The following ST6GALNAC3 variants were observed in gnomAD, a reference collection of about 807,000 sequenced individuals.
ST6GALNAC3 encodes ST6 N-acetylgalactosaminide alpha-2,6-sialyltransferase 3.
ST6GALNAC3 carries 25 observed loss-of-function variants against 32.7 expected under a neutral mutation model. That is an observed-to-expected ratio of 0.76 (90% confidence interval 0.56 to 1.07). The LOEUF (loss-of-function observed/expected upper bound fraction) is 1.07, where lower values mean the gene tolerates loss of function less well. ST6GALNAC3 is among the 50% of genes least tolerant of loss of function. The pLI, the probability that ST6GALNAC3 is intolerant of heterozygous loss-of-function variation, is 0.00. For missense variants in ST6GALNAC3, 355 were observed against 382.4 expected, an observed-to-expected ratio of 0.93 and a Z score of 0.60; for synonymous variants, 129 against 133.1, an observed-to-expected ratio of 0.97 and a Z score of 0.21.
At chr1:76,309,861 C>G (rs961330448) in intron 1 of ST6GALNAC3, 3 of 436,728 alleles carry the variant, frequency 6.9e-6, no homozygotes, top group Admixed American at 2.4e-5. Flanking sequence ...ACTTGGTTCC[C>G]TTTGATAGAA....
intron 1 of ST6GALNAC3, among the ~76,000 whole-genome samples, chr1:76,200,700 A>G (rs1570410944): frequency 6.6e-6 from 1 of 152,124 alleles, no homozygotes; most frequent in South Asian, 2.1e-4. Context: ...AATATAGGAC[A>G]TGTATAATCT....
chr1:76,270,863 G>T (rs926128959), intron 1 of ST6GALNAC3, among the ~76,000 whole-genome samples: 1 of 152,192 alleles, frequency 6.6e-6, no homozygotes, highest in African/African-American at 2.4e-5. Flanking sequence ...AGGTTTTGGG[G>T]GCAGGGGCTG....
chr1:76,152,456 T>C (rs547064000), intron 1 of ST6GALNAC3, among the ~76,000 whole-genome samples: 4 of 152,326 alleles, frequency 2.6e-5, no homozygotes, highest in African/African-American at 9.6e-5. Context: ...TGGAGCCACT[T>C]TGATGAAAGG....
At chr1:76,199,028 C>G (rs1049128282) in intron 1 of ST6GALNAC3, among the ~76,000 whole-genome samples, 1 of 152,090 alleles carries the variant, frequency 6.6e-6, no homozygotes, top group African/African-American at 2.4e-5. Flanking sequence ...GTGGCAGTGT[C>G]AGACAAGTTC....
intron 1 of ST6GALNAC3, among the ~76,000 whole-genome samples, chr1:76,196,771 CT>C (rs1227179294): frequency 3.3e-5 from 5 of 152,040 alleles, no homozygotes; most frequent in Non-Finnish European, 7.4e-5. Flanking sequence ...CCTCTCAATA[CT>C]TTTTTTAAAG....
At chr1:76,327,276 G>A (rs5775341) in intron 2 of ST6GALNAC3, among the ~76,000 whole-genome samples, 5 of 16,594 alleles carry the variant, frequency 3.0e-4, no homozygotes, top group East Asian at 2.6e-3. Context: ...GTATATATGC[G>A]TGTGTGTGTG....
At chr1:76,481,642 T>G (rs1294123816) in intron 3 of ST6GALNAC3, among the ~76,000 whole-genome samples, 3 of 152,220 alleles carry the variant, frequency 2.0e-5, no homozygotes, top group Non-Finnish European at 4.4e-5. Flanking sequence ...CATTTAAGAC[T>G]TTAACAATCA....
intron 1 of ST6GALNAC3, among the ~76,000 whole-genome samples, chr1:76,193,930 G>C (rs1204665080): frequency 1.3e-5 from 2 of 152,088 alleles, no homozygotes; most frequent in African/African-American, 4.8e-5. Context: ...ATAGGACCAG[G>C]TCCCCACACT....
intron 3 of ST6GALNAC3, among the ~76,000 whole-genome samples, chr1:76,529,885 T>C (rs989311527): frequency 7.2e-5 from 11 of 152,214 alleles, no homozygotes; most frequent in African/African-American, 2.7e-4. Context: ...ACCTACTTCA[T>C]AGCTCATACA....
At chr1:76,359,742 A>T (rs1451307478) in intron 2 of ST6GALNAC3, among the ~76,000 whole-genome samples, 2 of 152,212 alleles carry the variant, frequency 1.3e-5, no homozygotes, top group African/African-American at 4.8e-5. Context: ...GAATATGGTG[A>T]GACAATTTGA....
chr1:76,114,930 A>G (rs923571377), intron 1 of ST6GALNAC3, among the ~76,000 whole-genome samples: 1 of 151,728 alleles, frequency 6.6e-6, no homozygotes, highest in African/African-American at 2.4e-5. Context: ...AAAAAAAAAA[A>G]AAAAGAAAAA....
At chr1:76,185,437 T>A (rs1195866117) in intron 1 of ST6GALNAC3, among the ~76,000 whole-genome samples, 1 of 152,154 alleles carries the variant, frequency 6.6e-6, no homozygotes, top group East Asian at 1.9e-4. Context: ...CTTAAAACAG[T>A]GCCTGGAACA....
chr1:76,279,291 T>C (rs1280684872), intron 1 of ST6GALNAC3, among the ~76,000 whole-genome samples: 1 of 152,222 alleles, frequency 6.6e-6, no homozygotes, highest in East Asian at 1.9e-4. Context: ...AGCTTATGGC[T>C]GCGAAAAGCC....
intron 3 of ST6GALNAC3, among the ~76,000 whole-genome samples, chr1:76,445,993 C>T (rs1656941584): frequency 6.6e-6 from 1 of 152,174 alleles, no homozygotes; most frequent in Admixed American, 6.5e-5. Flanking sequence ...TCTCTCATGT[C>T]TCTCAACACC....
At chr1:76,190,350 T>C (rs1443485819) in intron 1 of ST6GALNAC3, among the ~76,000 whole-genome samples, 1 of 152,216 alleles carries the variant, frequency 6.6e-6, no homozygotes, top group African/African-American at 2.4e-5. Context: ...GCCTAGTGAC[T>C]TCTTGCTGCC....
chr1:76,124,588 C>G (rs1570078201), intron 1 of ST6GALNAC3, among the ~76,000 whole-genome samples: 1 of 152,184 alleles, frequency 6.6e-6, no homozygotes, highest in Non-Finnish European at 1.5e-5. Flanking sequence ...GTCATCTGCT[C>G]TACTCTTCAG....
chr1:76,176,235 C>T (rs563281922), intron 1 of ST6GALNAC3, among the ~76,000 whole-genome samples: 69 of 152,314 alleles, frequency 4.5e-4, no homozygotes, highest in African/African-American at 1.6e-3. Context: ...ATTGCCCACG[C>T]CCTCTTGCAG....
In ST6GALNAC3 at chr1:76,466,307, CTT is replaced by C. The variant is rs1381942333; in HGVS notation, c.623+53891_623+53892del. Among the ~76,000 whole-genome samples, 4 of 151,980 alleles carry C rather than the reference CTT, an allele frequency of 2.6e-5. No homozygotes were observed. In the East Asian group the frequency reaches 7.7e-4, roughly 29 times the overall value. ...GATGTCTCAATGAACTGAAATTGCT[CTT>C]GAGTGAACCATTTTATTTATATATC... On this transcript the variant is annotated intron_variant, in intron 3 of 4. Coordinates refer to ENST00000328299, the MANE Select transcript of ST6GALNAC3 (RefSeq NM_152996.4).
chr1:76,480,305 T>A (rs111542803), intron 3 of ST6GALNAC3, among the ~76,000 whole-genome samples: 3 of 152,194 alleles, frequency 2.0e-5, no homozygotes, highest in African/African-American at 7.2e-5. Flanking sequence ...AAGAGTTATC[T>A]CCTGCATTTT....
Sources: allele counts gnomAD v4.1 joint callset (sites outside exome capture counted in the v4.1 genomes callset), GRCh38; gene constraint gnomAD v4.1.1; transcripts MANE v1.5; gene names NCBI Gene and HGNC (gene_info 2026-07-23, HGNC 2026-07-21).